Variants in KIN observed in about 807,000 individuals in gnomAD.
KIN encodes Kin17 DNA and RNA binding protein, also known as DNA/RNA-binding protein KIN17.
A neutral mutation model predicts 63.0 loss-of-function variants in KIN; 47 were observed. That is an observed-to-expected ratio of 0.75 (90% CI 0.59 to 0.95). The LOEUF (loss-of-function observed/expected upper bound fraction) is 0.95, where lower values mean the gene tolerates loss of function less well. Ranked by LOEUF, KIN falls within the 40% of genes least tolerant of loss-of-function variation. KIN has a pLI of 0.00. For missense variants in KIN, 408 were observed against 460.9 expected, an observed-to-expected ratio of 0.89 and a Z score of 1.05; for synonymous variants, 160 against 157.7, an observed-to-expected ratio of 1.01 and a Z score of -0.11.
In KIN at chr10:7,763,803, T is replaced by C. The variant is rs770920577; in HGVS notation, c.850-12A>G. ...TTCACAATAATTTCCTAGAAAATAATAACAAAAAAAATGAAAGGAAAGACA... is the reference window on the plus strand; with the variant it reads ...TTCACAATAATTTCCTAGAAAATAACAACAAAAAAAATGAAAGGAAAGACA... On this transcript the variant is annotated splice_polypyrimidine_tract_variant and intron_variant, in intron 9 of 12. Coordinates refer to ENST00000379562, the MANE Select transcript of KIN (RefSeq NM_012311.4). 8.3e-7 allele frequency: 1 copy of C among 1,210,668 alleles called. No individual in the cohort carries two copies. Among genetic ancestry groups the C allele is most frequent in the Non-Finnish European group, 1.2e-6 (1 of 838,776 alleles). 75.0% of individuals were successfully genotyped at this position (1,210,668 alleles called of 1,614,324 possible).
chr10:7,759,392 A>G (rs895477166), intron 12 of KIN, among the ~76,000 whole-genome samples: 8 of 152,066 alleles, frequency 5.3e-5, no homozygotes, highest in African/African-American at 1.9e-4. Flanking sequence ...GCTACCTTAA[A>G]TCCTTTATGA....
At position 7,759,905 on chromosome 10, in the gene KIN, A is replaced by G; in HGVS notation, c.1104T>C (p.Thr368=). The stretch of plus-strand genomic sequence containing the variant: ...ACAAACTTACAGTTTCAATGACGAT[A>G]GTAGCTGAAAAAGTCTTCTCATTGA... ...ESINEKTFSA[T]IVIETGPLKG... Residue 368 remains threonine, a synonymous_variant, in exon 12 of 13, where the codon ACT becomes ACC. Coordinates refer to ENST00000379562, the MANE Select transcript of KIN (RefSeq NM_012311.4). 6.5e-7 allele frequency: 1 copy of G among 1,533,512 alleles called. No homozygotes were observed. Among genetic ancestry groups the G allele is most frequent in the Non-Finnish European group, 8.9e-7 (1 of 1,118,690 alleles). The allele number at this position is 1,533,512 out of a possible 1,614,324, so 95.0% of individuals were successfully genotyped here.
chr10:7,757,491 C>G (rs1344242571), intron 12 of KIN, among the ~76,000 whole-genome samples: 1 of 151,676 alleles, frequency 6.6e-6, no homozygotes, highest in African/African-American at 2.4e-5. Flanking sequence ...GAGTGAGACT[C>G]TGTCTTGAAA....
rs192594893 is a variant in KIN, at chr10:7,757,178, C to G, written c.1120-1036G>C. The stretch of plus-strand genomic sequence containing the variant: ...AGTGAGAGCTCAATAATTTTCAACT[C>G]TAATTATTATTTAATCTTTTGTTTA... On this transcript the variant is annotated intron_variant, in intron 12 of 12. Coordinates refer to ENST00000379562, the MANE Select transcript of KIN (RefSeq NM_012311.4). Among the ~76,000 whole-genome samples, 567 of 152,250 alleles carry G rather than the reference C, an allele frequency of 3.7e-3. 4 individuals carry two copies. Among genetic ancestry groups the G allele is most frequent in the African/African-American group, 0.013 (542 of 41,540 alleles).
intron 5 of KIN, among the ~76,000 whole-genome samples, chr10:7,778,048 A>C (rs1419352046): frequency 1.3e-5 from 2 of 152,134 alleles, no homozygotes; most frequent in Non-Finnish European, 2.9e-5. Flanking sequence ...AGTTATTCTA[A>C]CACCTCAGCT....
In KIN at chr10:7,753,378, G is replaced by C. The variant is rs1835273124; in HGVS notation, c.*2702C>G. On this transcript the variant is annotated 3_prime_UTR_variant, in exon 13 of 13. Transcript: ENST00000379562. The stretch of plus-strand genomic sequence containing the variant: ...TGATTCCAAACGTACATACTTGGGG[G>C]AGGCATATGTAATTTGTCTGGTTTT... The C allele has an allele frequency of 6.6e-6, 1 of 152,138 alleles. No individual in the cohort carries two copies. The highest frequency in any genetic ancestry group is 2.4e-5 in the African/African-American group (1 of 41,434). 9.4% of individuals were successfully genotyped at this position (152,138 alleles called of 1,614,324 possible). A position where few individuals can be genotyped will look rare whatever the true frequency, so the allele number is the denominator to read the frequency against.
At position 7,759,887 on chromosome 10, in the gene KIN, T is replaced by TA; in HGVS notation, c.1119+2dup. The TA allele has an allele frequency of 6.9e-7, 1 of 1,440,544 alleles. No individual in the cohort carries two copies. 89.2% of individuals were successfully genotyped at this position (1,440,544 alleles called of 1,614,324 possible). ...ATTTCTGTCTTTGTGTAAACAAACT[T>TA]ACAGTTTCAATGACGATAGTAGCTG... On this transcript the variant is annotated splice_region_variant and intron_variant, in intron 12 of 12. Coordinates refer to ENST00000379562, the MANE Select transcript of KIN (RefSeq NM_012311.4).
At chr10:7,777,404 G>C (rs1330485813) in intron 5 of KIN, among the ~76,000 whole-genome samples, 1 of 152,052 alleles carries the variant, frequency 6.6e-6, no homozygotes, top group African/African-American at 2.4e-5. Flanking sequence ...ATCTTTATCT[G>C]GGTGGTGGTT....
chr10:7,785,052 C>A (rs1293506439), intron 1 of KIN, among the ~76,000 whole-genome samples: 3 of 151,656 alleles, frequency 2.0e-5, no homozygotes, highest in East Asian at 1.9e-4. Flanking sequence ...GAGTTTGAGA[C>A]CAGCCTGGGC....
chr10:7,757,341 A>C (rs892578834), intron 12 of KIN, among the ~76,000 whole-genome samples: 3 of 152,028 alleles, frequency 2.0e-5, no homozygotes. Context: ...TCTACTAAAA[A>C]TATAAAAATT....
chr10:7,775,155 A>G (rs555039279), intron 6 of KIN, among the ~76,000 whole-genome samples: 214 of 152,306 alleles, frequency 1.4e-3, no homozygotes, highest in Non-Finnish European at 2.2e-3. Flanking sequence ...CCTGGGGAAC[A>G]GTACTCCAAT....
intron 7 of KIN, among the ~76,000 whole-genome samples, chr10:7,774,153 T>C (rs922956683): frequency 2.0e-5 from 3 of 152,168 alleles, no homozygotes; most frequent in African/African-American, 4.8e-5. Flanking sequence ...GCCTAAAATA[T>C]TTACTATGTG....
chr10:7,778,343 G>C lies in KIN; in HGVS notation c.558+495C>G, dbSNP rs559712225. On this transcript the variant is annotated intron_variant, in intron 5 of 12. Transcript: ENST00000379562. ...CAAGATTATGAAGTTAGTATGTCAG[G>C]AATCAAACCAAGGTTTGTCAATGCC... Among the ~76,000 whole-genome samples, 5 of 152,280 alleles carry C rather than the reference G, an allele frequency of 3.3e-5. No homozygotes were observed. In the East Asian group the frequency reaches 7.7e-4, roughly 23 times the overall value.
At position 7,756,105 on chromosome 10, in the gene KIN, T is replaced by A; in HGVS notation, c.1157A>T (p.Tyr386Phe). 6.3e-7 allele frequency: 1 copy of A among 1,590,942 alleles called. No individual in the cohort carries two copies. The highest frequency in any genetic ancestry group is 8.6e-7 in the Non-Finnish European group (1 of 1,168,258). Residue 386 changes from tyrosine to phenylalanine, a missense_variant, in exon 13 of 13, where the codon TAT becomes TTT. This residue lies in a region of KIN where 298 missense variants were observed against 296.0 expected (regional missense o/e 1.01). Transcript: ENST00000379562. ...LKGRRVEGIQ[Y>F]EDISKLA ...TCAGGCAAGTTTAGAAATGTCTTCA[T>A]ATTGAATTCCTTCAACTCTGCGTCC...
intron 7 of KIN, among the ~76,000 whole-genome samples, chr10:7,772,001 A>G (rs901440499): frequency 1.3e-5 from 2 of 152,164 alleles, no homozygotes; most frequent in Admixed American, 1.3e-4. Flanking sequence ...GAGCCCAGCA[A>G]GATCTCAGGG....
chr10:7,785,818 A>C (rs1044018911), intron 1 of KIN, among the ~76,000 whole-genome samples: 1 of 152,032 alleles, frequency 6.6e-6, no homozygotes, highest in African/African-American at 2.4e-5. Flanking sequence ...GTCTAGAAAA[A>C]AAAAAAAAAG....
rs1835450689 is a variant in KIN, at chr10:7,762,306, T to C, written c.1018+151A>G. On this transcript the variant is annotated intron_variant, in intron 11 of 12. Coordinates refer to ENST00000379562, the MANE Select transcript of KIN (RefSeq NM_012311.4). ...AGAGAGCCAGTAAACTACGATGCCC[T>C]TGAATCCAAACAGAGATGAGTTACG... 8.3e-6 allele frequency: 4 copies of C among 480,024 alleles called. No homozygotes were observed. The South Asian group carries it at 1.3e-4, about 16-fold the overall frequency. The allele number at this position is 480,024 out of a possible 1,614,324, so 29.7% of individuals were successfully genotyped here.
intron 1 of KIN, among the ~76,000 whole-genome samples, chr10:7,785,813 GAA>G (rs68002439): frequency 0.35 from 47,296 of 135,314 alleles, 8,345 homozygotes; most frequent in Non-Finnish European, 0.43. Context: ...ACTCTGTCTA[GAA>G]AAAAAAAAAA....
chr10:7,769,215 C>T lies in KIN; in HGVS notation c.798+1G>A. On this transcript the variant is annotated splice_donor_variant, in intron 8 of 12. Transcript: ENST00000379562. LOFTEE classifies it high-confidence loss of function. ...GTCCACACGCAATCCATAAACTGTA[C>T]CTCCATGATTTCATCCAGTGCAGAT... The T allele has an allele frequency of 6.2e-7, 1 of 1,608,612 alleles. No homozygotes were observed. The highest frequency in any genetic ancestry group is 8.5e-7 in the Non-Finnish European group (1 of 1,178,290).
Sources: allele counts gnomAD v4.1 joint callset (sites outside exome capture counted in the v4.1 genomes callset), GRCh38; gene constraint gnomAD v4.1.1; regional missense constraint gnomAD v4.1.1; transcripts MANE v1.5; gene names NCBI Gene and HGNC (gene_info 2026-07-23, HGNC 2026-07-21).